CHRM3: variants seen among roughly 807,000 people sequenced by gnomAD.
CHRM3 encodes cholinergic receptor muscarinic 3.
In CHRM3, 11 loss-of-function variants were observed where a neutral mutation model predicts 41.8. The observed-to-expected ratio is 0.26, with a 90% CI of 0.17 to 0.44. The LOEUF is 0.44. Among genes scored for constraint, CHRM3 ranks in the 20% least tolerant of loss-of-function variants. CHRM3 has a pLI of 1.00. For synonymous variants in CHRM3, 297 were observed against 301.4 expected (o/e 0.99, Z 0.15); for missense variants, 571 against 745.4 (o/e 0.77, Z 2.72).
chr1:239,751,987 G>A (rs1339330001), intron 5 of CHRM3, among the ~76,000 whole-genome samples: 1 of 152,178 alleles, frequency 6.6e-6, no homozygotes, highest in African/African-American at 2.4e-5. Context: ...CTGTGAAGTT[G>A]CCCCAACAAA....
intron 4 of CHRM3, among the ~76,000 whole-genome samples, chr1:239,639,690 A>G (rs575204017): frequency 6.6e-6 from 1 of 151,960 alleles, no homozygotes; most frequent in African/African-American, 2.4e-5. Flanking sequence ...TTCTAGATAT[A>G]CAATCATGTT....
intron 5 of CHRM3, among the ~76,000 whole-genome samples, chr1:239,771,486 C>T (rs918002162): frequency 2.0e-5 from 3 of 152,216 alleles, no homozygotes; most frequent in African/African-American, 7.2e-5. Flanking sequence ...CAGAAACACT[C>T]GCTTCTGAGC....
In CHRM3 at chr1:239,510,083, C is replaced by CACAA. The variant is rs200189261; in HGVS notation, c.-422+17294_-422+17297dup. Reference sequence around the variant, plus strand: ...CAGCCTGGGCAGCATAAGACTCCGTCACAAACAAACAAACAAACAAAGTTT... The same window carrying CACAA: ...CAGCCTGGGCAGCATAAGACTCCGTCACAAACAAACAAACAAACAAACAAAGTTT... On this transcript the variant is annotated intron_variant, in intron 2 of 6. Transcript: ENST00000676153. Among the ~76,000 whole-genome samples the CACAA allele has an allele frequency of 1.1e-4, 16 of 152,240 alleles. No individual in the cohort carries two copies. The South Asian group carries it at 1.9e-3, about 18-fold the overall frequency.
At chr1:239,496,409 G>T (rs1300843218) in intron 2 of CHRM3, among the ~76,000 whole-genome samples, 1 of 151,824 alleles carries the variant, frequency 6.6e-6, no homozygotes, top group Non-Finnish European at 1.5e-5. Context: ...CTATCTTGCA[G>T]ATTATTTTAA....
intron 6 of CHRM3, among the ~76,000 whole-genome samples, chr1:239,837,749 A>G (rs622628): frequency 0.68 from 103,659 of 152,040 alleles, 35,692 homozygotes; most frequent in African/African-American, 0.78. Context: ...ATCTCCAATC[A>G]CCAATCTCCT....
chr1:239,538,379 A>G (rs914761172), intron 2 of CHRM3, among the ~76,000 whole-genome samples: 32 of 152,028 alleles, frequency 2.1e-4, no homozygotes, highest in Non-Finnish European at 4.7e-4. Context: ...TCCTCTCTGC[A>G]TTAGCTAAAC....
At chr1:239,807,818 GCACACACACACACA>G (rs57650107) in intron 5 of CHRM3, among the ~76,000 whole-genome samples, 2 of 148,438 alleles carry the variant, frequency 1.3e-5, no homozygotes, top group African/African-American at 4.9e-5. Context: ...TTTGCTTTGC[GCACACACACACACA>G]CACACACACA....
At chr1:239,647,283 G>T (rs1054778663) in intron 4 of CHRM3, among the ~76,000 whole-genome samples, 21 of 152,106 alleles carry the variant, frequency 1.4e-4, no homozygotes, top group African/African-American at 5.1e-4. Flanking sequence ...GCCAGAATGA[G>T]TAAAGACCTT....
chr1:239,703,645 A>T (rs980195438), intron 5 of CHRM3: 3 of 152,202 alleles, frequency 2.0e-5, no homozygotes, highest in Non-Finnish European at 4.4e-5. Flanking sequence ...TAAAGTGATA[A>T]TGCCATCCTG....
At chr1:239,403,976 G>GGAGAGAGA (rs531556599) in intron 1 of CHRM3, among the ~76,000 whole-genome samples, 2,106 of 46,472 alleles carry the variant, frequency 0.045, 237 homozygotes, top group African/African-American at 0.062. Context: ...AGAGGGAGGG[G>GGAGAGAGA]GAGAGAGAGA....
rs749384030 is a variant in CHRM3, at chr1:239,520,790, AC to A, written c.-421-24848del. Among the ~76,000 whole-genome samples, 6 of 152,258 alleles carry A rather than the reference AC, an allele frequency of 3.9e-5. No homozygotes were observed. The East Asian group carries it at 9.7e-4, about 25-fold the overall frequency. ...GCTCCCTTAGGAAGATTTGATATTG[AC>A]CCTGTTTTAGGGAAGCTTTGATGTA... is the stretch of plus-strand genomic sequence containing the variant. On this transcript the variant is annotated intron_variant, in intron 2 of 6. Transcript: ENST00000676153.
rs1312225745 is a variant in CHRM3, at chr1:239,644,090, G to A, written c.-250+11804G>A. Reference sequence around the variant, plus strand: ...AAATGTGATGTTGAAACTTCTTGGGGTAAGGCAAATGATTTTGGAACCCAT... The same window carrying A: ...AAATGTGATGTTGAAACTTCTTGGGATAAGGCAAATGATTTTGGAACCCAT... On this transcript the variant is annotated intron_variant, in intron 4 of 6. Coordinates refer to ENST00000676153, the MANE Select transcript of CHRM3 (RefSeq NM_001375978.1). Among the ~76,000 whole-genome samples the A allele has an allele frequency of 3.9e-5, 6 of 152,146 alleles. No homozygotes were observed. The South Asian group carries it at 1.0e-3, about 26-fold the overall frequency.
Position 239,510,789 on chromosome 1 carries a change from G to A in CHRM3, c.-422+17982G>A, listed in dbSNP as rs549599751. ...GACCTCAGCTGATCCGCCTGCCTCAGCCTCCCAAAGTGCTGGGATTACAGG... is the reference window on the plus strand; with the variant it reads ...GACCTCAGCTGATCCGCCTGCCTCAACCTCCCAAAGTGCTGGGATTACAGG... On this transcript the variant is annotated intron_variant, in intron 2 of 6. Transcript: ENST00000676153. Among the ~76,000 whole-genome samples, 17 of 152,188 alleles carry A rather than the reference G, an allele frequency of 1.1e-4. No homozygotes were observed. The South Asian group carries it at 2.3e-3, about 20-fold the overall frequency.
intron 3 of CHRM3, among the ~76,000 whole-genome samples, chr1:239,561,157 C>T (rs1283372116): frequency 1.3e-5 from 2 of 152,148 alleles, no homozygotes; most frequent in African/African-American, 4.8e-5. Flanking sequence ...CTTGTGCTGT[C>T]CTTAATCAGT....
intron 6 of CHRM3, among the ~76,000 whole-genome samples, chr1:239,848,707 C>T (rs531871923): frequency 1.3e-5 from 2 of 152,074 alleles, no homozygotes; most frequent in South Asian, 4.1e-4. Flanking sequence ...TTCATTTATT[C>T]AGAAGTCTTT....
chr1:239,490,093 A>T (rs2148057158), intron 1 of CHRM3, among the ~76,000 whole-genome samples: 1 of 152,346 alleles, frequency 6.6e-6, no homozygotes, highest in Admixed American at 6.5e-5. Context: ...GGACATAAAC[A>T]AATGTTGCAT....
intron 3 of CHRM3, chr1:239,629,453 AC>A (rs1669539447): frequency 6.6e-6 from 1 of 152,380 alleles, no homozygotes; most frequent in Non-Finnish European, 1.4e-5. Flanking sequence ...TGCAGAAATC[AC>A]CCGTCTTCTG....
At chr1:239,535,342 C>A (rs1026045321) in intron 2 of CHRM3, among the ~76,000 whole-genome samples, 24 of 151,800 alleles carry the variant, frequency 1.6e-4, no homozygotes, top group African/African-American at 5.6e-4. Context: ...AAAAACCTCT[C>A]CATGTATGTT....
chr1:239,720,489 C>T (rs1273125720), intron 5 of CHRM3, among the ~76,000 whole-genome samples: 2 of 151,886 alleles, frequency 1.3e-5, no homozygotes, highest in Non-Finnish European at 2.9e-5. Context: ...GTAATGCTCT[C>T]GTGCCACTCA....
Sources: gnomAD v4.1 joint callset for allele counts (sites outside exome capture counted in the v4.1 genomes callset) on GRCh38, gnomAD v4.1.1 for gene constraint, MANE v1.5 for transcripts, NCBI Gene and HGNC (gene_info 2026-07-23, HGNC 2026-07-21) for gene names.